IRAG1: variants seen among roughly 807,000 people sequenced by gnomAD.
IRAG1 encodes the protein inositol 1,4,5-triphosphate receptor associated 1.
Under a neutral mutation model 106.2 loss-of-function variants are expected in IRAG1, and 62 were observed. The observed-to-expected ratio is 0.58, with a 90% confidence interval of 0.48 to 0.72. IRAG1 has a LOEUF of 0.72. Among genes scored for constraint, IRAG1 ranks in the 30% least tolerant of loss-of-function variants. IRAG1 has a pLI of 0.00. For synonymous variants in IRAG1, 462 were observed against 443.9 expected, an observed-to-expected ratio of 1.04 and a Z score of -0.51; for missense variants, 1,064 against 1,140.7, an observed-to-expected ratio of 0.93 and a Z score of 0.97.
chr11:10,673,244 C>T (rs766471078), intron 1 of IRAG1, among the ~76,000 whole-genome samples: 4 of 152,036 alleles, frequency 2.6e-5, no homozygotes, highest in Non-Finnish European at 4.4e-5. Context: ...GATCATGCCA[C>T]TTGCACTCCA....
At chr11:10,667,923 C>T (rs771339705) in intron 1 of IRAG1, among the ~76,000 whole-genome samples, 3 of 152,228 alleles carry the variant, frequency 2.0e-5, no homozygotes, top group Non-Finnish European at 4.4e-5. Context: ...CAGATGAAGT[C>T]CAGTTTCCTG....
intron 9 of IRAG1, among the ~76,000 whole-genome samples, 163 bp from the exon 10 acceptor site, chr11:10,624,019 A>T (rs72862390): frequency 0.014 from 2,058 of 152,038 alleles, 17 homozygotes; most frequent in Middle Eastern, 0.021. Context: ...GAGAAGCACC[A>T]GGAAATAGTT....
At chr11:10,591,305 C>T (rs914676153) in intron 18 of IRAG1, among the ~76,000 whole-genome samples, 38 of 152,302 alleles carry the variant, frequency 2.5e-4, no homozygotes, top group African/African-American at 8.4e-4. Flanking sequence ...GCAGAGAAGG[C>T]TCCAGCCTTC....
rs1247524438 is a variant in IRAG1, at chr11:10,665,793, C to T, written c.68-13611G>A. Among the ~76,000 whole-genome samples, 1 of 152,210 alleles carries T rather than the reference C, an allele frequency of 6.6e-6. No homozygotes were observed. The highest frequency in any genetic ancestry group is 1.5e-5 in the Non-Finnish European group (1 of 68,036). ...CCAGGGTCTTTTTTTCACCAATAGA[C>T]TCTGAGCTGAACTGCAGGATGGTGG... On this transcript the variant is annotated intron_variant, in intron 1 of 20. Transcript: ENST00000423302. The surrounding 1 kb of genome is among the most constrained non-coding windows in gnomAD (Gnocchi z 4.2).
In IRAG1 at chr11:10,606,533, C is replaced by A. The variant is rs368719843; in HGVS notation, c.1602+209G>T. Among the ~76,000 whole-genome samples the A allele has an allele frequency of 2.0e-5, 3 of 152,276 alleles. No homozygotes were observed. The East Asian group carries it at 5.8e-4, about 29-fold the overall frequency. On this transcript the variant is annotated intron_variant, in intron 12 of 20. Transcript: ENST00000423302. ...TTTCCAACTACCTTCTCCCTTTTGC[C>A]CAAATTTGTCAAAATCTTCCATGAA...
At chr11:10,589,160 C>T (rs907099367) in intron 18 of IRAG1, 1 of 152,170 alleles carries the variant, frequency 6.6e-6, no homozygotes, top group African/African-American at 2.4e-5. Flanking sequence ...GGTATTTGAT[C>T]TTATCCTTTG....
chr11:10,650,617 G>A (rs893830076), intron 2 of IRAG1, among the ~76,000 whole-genome samples: 3 of 152,184 alleles, frequency 2.0e-5, no homozygotes, highest in African/African-American at 7.2e-5. Flanking sequence ...GGAAGCAGTC[G>A]CATTTGAATG....
rs142805420 is a variant in IRAG1 at position 10,681,705 on chromosome 11, A to G, written c.67+11831T>C. ...AGAACCAGGCCTACAACTCAGGACC[A>G]CTGCTTATACGGTCTCTTCATTTCA... On this transcript the variant is annotated intron_variant, in intron 1 of 20. Transcript: ENST00000423302. Among the ~76,000 whole-genome samples, 377 of 152,300 alleles carry G rather than the reference A, an allele frequency of 2.5e-3. 2 individuals are homozygous for G. The highest frequency in any genetic ancestry group is 8.6e-3 in the African/African-American group (359 of 41,560).
At chr11:10,684,291 G>A (rs1295863236) in intron 1 of IRAG1, among the ~76,000 whole-genome samples, 1 of 152,108 alleles carries the variant, frequency 6.6e-6, no homozygotes, top group Non-Finnish European at 1.5e-5. Context: ...AAAATGATGA[G>A]TTCATGTCCT....
At position 10,657,868 on chromosome 11, in the gene IRAG1, G is replaced by T. The variant is rs1859043734; in HGVS notation, c.68-5686C>A. ...TACCAATGGGGAACCGAGGCCCAGAGGGGCAGGCATGTGACCAAGGCCACA... is the reference window on the plus strand; with the variant it reads ...TACCAATGGGGAACCGAGGCCCAGATGGGCAGGCATGTGACCAAGGCCACA... On this transcript the variant is annotated intron_variant, in intron 1 of 20. Transcript: ENST00000423302. The surrounding 1 kb of genome is among the most constrained non-coding windows in gnomAD (Gnocchi z 4.1). Among the ~76,000 whole-genome samples, 1 of 152,210 alleles carries T rather than the reference G, an allele frequency of 6.6e-6. No individual in the cohort carries two copies. The highest frequency in any genetic ancestry group is 1.9e-4 in the East Asian group (1 of 5,194).
chr11:10,680,423 GAA>G lies in IRAG1; in HGVS notation c.67+13111_67+13112del, dbSNP rs557890770. Among the ~76,000 whole-genome samples, 67 of 132,490 alleles carry G rather than the reference GAA, an allele frequency of 5.1e-4. 1 individual carries two copies. The highest frequency in any genetic ancestry group is 1.8e-3 in the African/African-American group (61 of 34,354). 86.9% of individuals were successfully genotyped at this position (132,490 alleles called of 152,430 possible). The stretch of plus-strand genomic sequence containing the variant: ...AAGGAAGGAAAGAAAGGGAAAGAAA[GAA>G]AGAGAGGGAAGGAAGGAAAGAAAGG... On this transcript the variant is annotated intron_variant, in intron 1 of 20. Transcript: ENST00000423302.
rs1350298769 is a variant in IRAG1, at chr11:10,626,051, C to T, written c.1283G>A (p.Gly428Asp). 6.6e-7 allele frequency: 1 copy of T among 1,518,426 alleles called. No homozygotes were observed. The highest frequency in any genetic ancestry group is 8.8e-7 in the Non-Finnish European group (1 of 1,133,114). The allele number at this position is 1,518,426 out of a possible 1,614,324, so 94.1% of individuals were successfully genotyped here. A position where few individuals can be genotyped will look rare whatever the true frequency, so the allele number is the denominator to read the frequency against. The part of the protein sequence containing the change: ...EEKRFAGKAG[G>D]KLAKAPGLKD... The stretch of plus-strand genomic sequence containing the variant: ...GAGACCAGGGGCCTTGGCCAGCTTG[C>T]CGCCGGCCTTGCCTGCAAAACGCTT... The change falls in exon 9 of 21, where the codon GGC becomes GAC. Residue 428 changes from glycine (G) to aspartate (D), a missense_variant. Coordinates refer to ENST00000423302, the MANE Select transcript of IRAG1 (RefSeq NM_130385.4).
intron 1 of IRAG1, among the ~76,000 whole-genome samples, chr11:10,671,988 A>G (rs1288764240): frequency 6.6e-6 from 1 of 152,230 alleles, no homozygotes; most frequent in Non-Finnish European, 1.5e-5. Flanking sequence ...GATACTATAC[A>G]CTATACAAGA....
At chr11:10,578,027 T>A (rs1851005769) in intron 20 of IRAG1, among the ~76,000 whole-genome samples, 1 of 152,100 alleles carries the variant, frequency 6.6e-6, no homozygotes, top group African/African-American at 2.4e-5. Context: ...TGTATTTCCA[T>A]CCTCCAAAAC....
chr11:10,606,559 C>T (rs1395476278), intron 12 of IRAG1, among the ~76,000 whole-genome samples, 183 bp downstream of exon 12: 6 of 152,186 alleles, frequency 3.9e-5, no homozygotes, highest in Non-Finnish European at 7.3e-5. Flanking sequence ...CTTCCATGAA[C>T]GGACGTGGGA....
At position 10,630,493 on chromosome 11, in the gene IRAG1, T is replaced by A. The variant is rs139831651; in HGVS notation, c.401-782A>T. 6.0e-3 allele frequency among the ~76,000 whole-genome samples: 909 copies of A among 152,218 alleles called. 4 individuals carry two copies. Among genetic ancestry groups the A allele is most frequent in the African/African-American group, 0.021 (876 of 41,530 alleles). On this transcript the variant is annotated intron_variant, in intron 4 of 20. Transcript: ENST00000423302. Reference sequence around the variant, plus strand: ...TTCAAGTGATTCTCCTGCCTCAGCCTCGCTCGTACTTGTTAGCTCTTTCCT... The same window carrying A: ...TTCAAGTGATTCTCCTGCCTCAGCCACGCTCGTACTTGTTAGCTCTTTCCT...
At chr11:10,606,152 C>T (rs1242380347) in intron 12 of IRAG1, among the ~76,000 whole-genome samples, 1 of 152,224 alleles carries the variant, frequency 6.6e-6, no homozygotes, top group Non-Finnish European at 1.5e-5. Context: ...TGGTCCACAT[C>T]AGCAGTTCTC....
intron 10 of IRAG1, among the ~76,000 whole-genome samples, chr11:10,620,499 G>A (rs942111801): frequency 6.6e-6 from 1 of 152,174 alleles, no homozygotes; most frequent in Non-Finnish European, 1.5e-5. Context: ...GGGCAAAGAT[G>A]TAAGAAGTTA....
At chr11:10,671,332 A>G (rs1860204361) in intron 1 of IRAG1, among the ~76,000 whole-genome samples, 1 of 152,264 alleles carries the variant, frequency 6.6e-6, no homozygotes, top group Non-Finnish European at 1.5e-5. Flanking sequence ...TTATATTTCT[A>G]TACATTAGCA....
Sources: gnomAD v4.1 joint callset for allele counts (sites outside exome capture counted in the v4.1 genomes callset) on GRCh38, gnomAD v4.1.1 for gene constraint, Gnocchi (gnomAD v3.1) non-coding constraint, MANE v1.5 for transcripts, NCBI Gene and HGNC (gene_info 2026-07-23, HGNC 2026-07-21) for gene names.